Variants in PCSK5 observed in about 807,000 individuals in gnomAD.
The protein encoded by PCSK5 is proprotein convertase subtilisin/kexin type 5, also known as prohormone convertase 5.
A neutral mutation model predicts 233.2 loss-of-function variants in PCSK5; 129 were observed. That is an observed-to-expected ratio of 0.55 (90% confidence interval 0.48 to 0.64). The LOEUF (loss-of-function observed/expected upper bound fraction) is 0.64, where lower values mean the gene tolerates loss of function less well. PCSK5 is among the 30% of genes least tolerant of loss of function. PCSK5 has a pLI of 0.00. For synonymous variants in PCSK5, 825 were observed against 879.2 expected (o/e 0.94, Z 1.09); for missense variants, 2,076 against 2,430.1 (o/e 0.85, Z 3.06).
chr9:75,909,552 A>G (rs10781314), intron 1 of PCSK5, among the ~76,000 whole-genome samples: 105,893 of 151,818 alleles, frequency 0.7, 38,315 homozygotes, highest in African/African-American at 0.86. Flanking sequence ...AAAATTATCC[A>G]GGTGTGGTGG....
chr9:76,171,181 C>T (rs978309782), intron 13 of PCSK5, among the ~76,000 whole-genome samples: 2 of 152,158 alleles, frequency 1.3e-5, no homozygotes, highest in African/African-American at 4.8e-5. Flanking sequence ...ACCCTTTCAC[C>T]TCTTCATAAT....
chr9:76,111,155 G>A (rs985479783), intron 9 of PCSK5, among the ~76,000 whole-genome samples: 14 of 152,112 alleles, frequency 9.2e-5, no homozygotes, highest in African/African-American at 3.4e-4. Flanking sequence ...TAACTTTGCT[G>A]TAACAGCTAG....
chr9:76,236,997 G>C lies in PCSK5; in HGVS notation c.2867-1962G>C, dbSNP rs145426696. On this transcript the variant is annotated intron_variant, in intron 22 of 37. Transcript: ENST00000674117. ...GGATCCTGAGTTGATGTCTTGTGAA[G>C]GTGCAGGGGATGGAGAAGAGGTAGA... Among the ~76,000 whole-genome samples, 784 of 152,264 alleles carry C rather than the reference G, an allele frequency of 5.1e-3. 4 individuals are homozygous for C. The highest frequency in any genetic ancestry group is 0.017 in the African/African-American group (721 of 41,556).
At chr9:76,009,247 A>C (rs969644198) in intron 3 of PCSK5, among the ~76,000 whole-genome samples, 1 of 152,210 alleles carries the variant, frequency 6.6e-6, no homozygotes, top group Non-Finnish European at 1.5e-5. Flanking sequence ...TAACAAAAAA[A>C]AGGTTCAATT....
intron 24 of PCSK5, among the ~76,000 whole-genome samples, chr9:76,245,311 G>A (rs192526506): frequency 1.3e-5 from 2 of 152,160 alleles, no homozygotes; most frequent in Admixed American, 6.5e-5. Flanking sequence ...CCACTCTTGG[G>A]ATAAAACATA....
At chr9:76,218,779 G>C (rs1287741004) in intron 20 of PCSK5, among the ~76,000 whole-genome samples, 1 of 149,820 alleles carries the variant, frequency 6.7e-6, no homozygotes, top group Non-Finnish European at 1.5e-5. Context: ...ACCCAGGACG[G>C]GATGACTCCA....
At chr9:75,972,971 A>G (rs1281129366) in intron 2 of PCSK5, among the ~76,000 whole-genome samples, 2 of 152,092 alleles carry the variant, frequency 1.3e-5, no homozygotes, top group East Asian at 3.9e-4. Context: ...CCTGTGCTCT[A>G]TGGAAATCCA....
intron 5 of PCSK5, among the ~76,000 whole-genome samples, chr9:76,059,831 A>C (rs1181873985): frequency 1.3e-5 from 2 of 152,310 alleles, no homozygotes; most frequent in Non-Finnish European, 2.9e-5. Context: ...AAAACGTCAA[A>C]TAGAAAAGCA....
chr9:76,319,957 T>C (rs1247889188), intron 30 of PCSK5, among the ~76,000 whole-genome samples: 4 of 152,170 alleles, frequency 2.6e-5, no homozygotes, highest in African/African-American at 9.6e-5. Flanking sequence ...AAGGGCCCCC[T>C]ATCCTGTAAT....
At chr9:75,934,693 T>G (rs1564092696) in intron 2 of PCSK5, among the ~76,000 whole-genome samples, 1 of 152,028 alleles carries the variant, frequency 6.6e-6, no homozygotes, top group Non-Finnish European at 1.5e-5. Flanking sequence ...GCGATTCTCC[T>G]GCCTCAGCCT....
intron 24 of PCSK5, among the ~76,000 whole-genome samples, chr9:76,288,282 T>A (rs1454118783): frequency 6.6e-5 from 10 of 152,208 alleles, no homozygotes; most frequent in Non-Finnish European, 1.5e-4. Flanking sequence ...GATTTCCTGG[T>A]CTCTCCAAGG....
chr9:76,317,966 T>G (rs1257559197), intron 30 of PCSK5, among the ~76,000 whole-genome samples: 1 of 152,126 alleles, frequency 6.6e-6, no homozygotes, highest in Non-Finnish European at 1.5e-5. Context: ...AGTTTTGGGT[T>G]GGGATGGTTT....
intron 37 of PCSK5, among the ~76,000 whole-genome samples, chr9:76,354,638 G>A (rs558830616): frequency 3.3e-5 from 5 of 152,266 alleles, no homozygotes; most frequent in Admixed American, 1.3e-4. Context: ...TTAGCTGGGC[G>A]TGGTGGTGCA....
At chr9:76,229,161 A>G (rs754053319) in intron 21 of PCSK5, among the ~76,000 whole-genome samples, 1 of 152,240 alleles carries the variant, frequency 6.6e-6, no homozygotes, top group Non-Finnish European at 1.5e-5. Context: ...CTAAATATTG[A>G]ATTTGCTTTA....
intron 5 of PCSK5, 59 bp downstream of exon 5, chr9:76,027,096 C>T: frequency 3.9e-6 from 4 of 1,035,528 alleles, no homozygotes; most frequent in South Asian, 1.4e-5. Flanking sequence ...GTTTTCTGCT[C>T]ATACTGAGGG....
intron 2 of PCSK5, among the ~76,000 whole-genome samples, chr9:75,978,567 G>T (rs754687627): frequency 2.0e-5 from 3 of 152,184 alleles, no homozygotes; most frequent in Admixed American, 6.5e-5. Flanking sequence ...GTCTAGCCTA[G>T]CTCTGGGCAC....
At chr9:76,022,506 T>C (rs963743889) in intron 3 of PCSK5, among the ~76,000 whole-genome samples, 1 of 152,074 alleles carries the variant, frequency 6.6e-6, no homozygotes, top group Non-Finnish European at 1.5e-5. Context: ...CGTGTTACTA[T>C]GGAATTATGT....
At chr9:76,185,917 C>G (rs12000898) in intron 17 of PCSK5, among the ~76,000 whole-genome samples, 1 of 152,122 alleles carries the variant, frequency 6.6e-6, no homozygotes, top group Non-Finnish European at 1.5e-5. Context: ...CTGGCACATA[C>G]TTGGTTCATG....
At chr9:76,183,707 G>C (rs1053283449) in intron 16 of PCSK5, among the ~76,000 whole-genome samples, 14 of 152,200 alleles carry the variant, frequency 9.2e-5, no homozygotes, top group African/African-American at 3.1e-4. Flanking sequence ...CAGAGGCTCA[G>C]ACTTGATCCA....
Sources: gnomAD v4.1 joint callset for allele counts (sites outside exome capture counted in the v4.1 genomes callset) on GRCh38, gnomAD v4.1.1 for gene constraint, MANE v1.5 for transcripts, NCBI Gene and HGNC (gene_info 2026-07-23, HGNC 2026-07-21) for gene names.